Variants in LCLAT1 observed in about 807,000 individuals in gnomAD.
The protein encoded by LCLAT1 is 1-AGP acyltransferase 8.
A neutral mutation model predicts 30.7 loss-of-function variants in LCLAT1; 11 were observed. The ratio of observed to expected loss-of-function variants is 0.36; its 90% confidence interval spans 0.23 to 0.59. The LOEUF (loss-of-function observed/expected upper bound fraction) is 0.59, where lower values mean the gene tolerates loss of function less well. Among genes scored for constraint, LCLAT1 ranks in the 20% least tolerant of loss-of-function variants. The pLI, the probability that LCLAT1 is intolerant of heterozygous loss-of-function variation, is 0.77. For synonymous variants in LCLAT1, 155 were observed against 151.3 expected (o/e 1.02, Z -0.18); for missense variants, 402 against 458.6 (o/e 0.88, Z 1.13).
rs571775293 is a variant in LCLAT1, at chr2:30,624,005, C to T, written c.629-16112C>T. Among the ~76,000 whole-genome samples, 7 of 152,188 alleles carry T rather than the reference C, an allele frequency of 4.6e-5. No homozygotes were observed. In the East Asian group the frequency reaches 5.8e-4, roughly 13 times the overall value. On this transcript the variant is annotated intron_variant, in intron 5 of 5. Coordinates refer to ENST00000379509, the MANE Select transcript of LCLAT1 (RefSeq NM_001002257.3). ...TACCAGCCAAGAATTTTGTATCCAGCGAAACTAAGAGCTTCATAACTGAAG... is the reference window on the plus strand; with the variant it reads ...TACCAGCCAAGAATTTTGTATCCAGTGAAACTAAGAGCTTCATAACTGAAG...
intron 3 of LCLAT1, among the ~76,000 whole-genome samples, chr2:30,535,307 C>T (rs374256186): frequency 1.3e-5 from 2 of 152,196 alleles, no homozygotes; most frequent in African/African-American, 2.4e-5. Flanking sequence ...CTTCTGCCCT[C>T]CTGTCTTTAT....
At chr2:30,626,812 A>C (rs1304843068) in intron 5 of LCLAT1, among the ~76,000 whole-genome samples, 1 of 151,760 alleles carries the variant, frequency 6.6e-6, no homozygotes. Flanking sequence ...TATCCTATAG[A>C]TTCTCTTTTT....
At chr2:30,537,006 G>GA (rs35869706) in intron 3 of LCLAT1, among the ~76,000 whole-genome samples, 19,295 of 152,230 alleles carry the variant, frequency 0.13, 1,362 homozygotes, top group South Asian at 0.23. Flanking sequence ...CACATAGACT[G>GA]AAATGAAGGA....
At chr2:30,560,327 T>TGTG (rs1453741640) in intron 3 of LCLAT1, among the ~76,000 whole-genome samples, 25 of 141,978 alleles carry the variant, frequency 1.8e-4, no homozygotes, top group African/African-American at 5.1e-4. Flanking sequence ...TGTGTGTGTA[T>TGTG]TATTTATTTA....
At chr2:30,470,514 T>C (rs1682723096) in intron 1 of LCLAT1, among the ~76,000 whole-genome samples, 1 of 152,182 alleles carries the variant, frequency 6.6e-6, no homozygotes, top group African/African-American at 2.4e-5. Flanking sequence ...AAATACAAAC[T>C]AAATTCCTCC....
intron 5 of LCLAT1, among the ~76,000 whole-genome samples, chr2:30,603,828 G>A (rs1052127236): frequency 6.6e-6 from 1 of 152,114 alleles, no homozygotes; most frequent in Non-Finnish European, 1.5e-5. Flanking sequence ...TAGATCATCT[G>A]ACATATTTGA....
At chr2:30,520,491 T>C (rs1407102848) in intron 1 of LCLAT1, among the ~76,000 whole-genome samples, 12 of 152,210 alleles carry the variant, frequency 7.9e-5, no homozygotes, top group Admixed American at 7.9e-4. Flanking sequence ...CCAAGTTACC[T>C]GGCTTAAAGT....
intron 1 of LCLAT1, among the ~76,000 whole-genome samples, chr2:30,515,023 T>A (rs1395843499): frequency 6.6e-6 from 1 of 152,188 alleles, no homozygotes; most frequent in Non-Finnish European, 1.5e-5. Flanking sequence ...AGGCCTATGT[T>A]GTTGTAACCC....
intron 5 of LCLAT1, among the ~76,000 whole-genome samples, chr2:30,610,697 G>C (rs1667694732): frequency 6.6e-6 from 1 of 152,092 alleles, no homozygotes; most frequent in African/African-American, 2.4e-5. Context: ...TTGGAGCTTA[G>C]AGTTAGTACA....
intron 1 of LCLAT1, among the ~76,000 whole-genome samples, chr2:30,491,210 A>G (rs1665282846): frequency 6.6e-6 from 1 of 152,250 alleles, no homozygotes; most frequent in African/African-American, 2.4e-5. Flanking sequence ...GTACATCTGT[A>G]AATATATTGG....
intron 5 of LCLAT1, among the ~76,000 whole-genome samples, chr2:30,601,966 C>T (rs1667208880): frequency 1.3e-5 from 2 of 151,700 alleles, no homozygotes; most frequent in African/African-American, 4.8e-5. Context: ...AAATTGAGAA[C>T]AAATCACATT....
intron 5 of LCLAT1, among the ~76,000 whole-genome samples, chr2:30,609,053 C>G (rs1667607404): frequency 6.6e-6 from 1 of 152,142 alleles, no homozygotes; most frequent in Non-Finnish European, 1.5e-5. Context: ...AGGATTTTCA[C>G]ATGCCTGATA....
chr2:30,589,095 C>T (rs1308542294), intron 5 of LCLAT1, among the ~76,000 whole-genome samples: 1 of 152,166 alleles, frequency 6.6e-6, no homozygotes. Context: ...TGGCATTGAT[C>T]CATTAGCAAA....
intron 5 of LCLAT1, among the ~76,000 whole-genome samples, chr2:30,595,870 C>T (rs1666907165): frequency 6.6e-6 from 1 of 152,096 alleles, no homozygotes; most frequent in African/African-American, 2.4e-5. Flanking sequence ...TTGTTCACCT[C>T]CCACTTACAA....
chr2:30,506,420 A>T (rs1684664849), intron 1 of LCLAT1, among the ~76,000 whole-genome samples: 1 of 152,100 alleles, frequency 6.6e-6, no homozygotes, highest in African/African-American at 2.4e-5. Context: ...AAAATTAATA[A>T]GTAAAGATGA....
At chr2:30,562,804 GTATT>G (rs1665299340) in intron 4 of LCLAT1, among the ~76,000 whole-genome samples, 3 of 151,932 alleles carry the variant, frequency 2.0e-5, no homozygotes, top group Admixed American at 2.0e-4. Context: ...CTCTTCTAAG[GTATT>G]TATTTATCCA....
At chr2:30,511,350 C>T (rs1272152819) in intron 1 of LCLAT1, among the ~76,000 whole-genome samples, 1 of 152,188 alleles carries the variant, frequency 6.6e-6, no homozygotes, top group Non-Finnish European at 1.5e-5. Flanking sequence ...ATAGCCTGGT[C>T]AGACATCCCA....
intron 5 of LCLAT1, among the ~76,000 whole-genome samples, chr2:30,619,548 T>C (rs1668148133): frequency 6.6e-6 from 1 of 152,224 alleles, no homozygotes; most frequent in Non-Finnish European, 1.5e-5. Context: ...TGCACCTATT[T>C]TTAAAAGAAT....
intron 5 of LCLAT1, among the ~76,000 whole-genome samples, chr2:30,588,065 A>G (rs751735351): frequency 6.6e-6 from 1 of 152,248 alleles, no homozygotes; most frequent in Non-Finnish European, 1.5e-5. Flanking sequence ...CCTCTGGTAG[A>G]AGCCTTCCTT....
Sources: allele counts gnomAD v4.1 joint callset (sites outside exome capture counted in the v4.1 genomes callset), GRCh38; gene constraint gnomAD v4.1.1; transcripts MANE v1.5; gene names NCBI Gene and HGNC (gene_info 2026-07-23, HGNC 2026-07-21).